ARMC9: variants seen among roughly 807,000 people sequenced by gnomAD.
ARMC9 encodes lisH domain-containing protein ARMC9.
ARMC9 carries 94 observed loss-of-function variants against 107.0 expected under a neutral mutation model. The observed-to-expected ratio is 0.88, with a 90% CI of 0.74 to 1.04. The LOEUF is 1.04. Ranked by LOEUF, ARMC9 falls within the 50% of genes least tolerant of loss-of-function variation. ARMC9 has a pLI of 0.00. For synonymous variants in ARMC9, 380 were observed against 396.9 expected, an observed-to-expected ratio of 0.96 and a Z score of 0.51; for missense variants, 942 against 1,030.1, an observed-to-expected ratio of 0.91 and a Z score of 1.17.
intron 19 of ARMC9, among the ~76,000 whole-genome samples, chr2:231,305,416 A>C (rs2041985337): frequency 6.6e-6 from 1 of 152,258 alleles, no homozygotes; most frequent in Admixed American, 6.5e-5. Flanking sequence ...TTCGTTGCCA[A>C]GTATTTACAT....
At chr2:231,302,432 GGTTT>G (rs1208909660) in intron 19 of ARMC9, among the ~76,000 whole-genome samples, 1,810 of 125,938 alleles carry the variant, frequency 0.014, 12 homozygotes, top group Non-Finnish European at 0.019. Context: ...TAGCATTGTG[GGTTT>G]GTTTTTTTTT....
intron 6 of ARMC9, among the ~76,000 whole-genome samples, chr2:231,225,473 C>G (rs1401440002): frequency 1.3e-5 from 2 of 152,194 alleles, no homozygotes; most frequent in African/African-American, 4.8e-5. Context: ...TGTCTATCAT[C>G]TTATGAATGG....
intron 23 of ARMC9, among the ~76,000 whole-genome samples, chr2:231,367,007 C>A (rs1036308884): frequency 6.6e-6 from 1 of 151,162 alleles, no homozygotes; most frequent in Admixed American, 6.6e-5. Flanking sequence ...CCCGCCACCA[C>A]GCCTGGCTAA....
intron 9 of ARMC9, among the ~76,000 whole-genome samples, chr2:231,244,259 C>T (rs1241197141): frequency 6.6e-6 from 1 of 152,148 alleles, no homozygotes; most frequent in Non-Finnish European, 1.5e-5. Context: ...CCTTCTTTCC[C>T]CCTGAGTTCT....
chr2:231,310,043 C>T (rs1426348148), intron 19 of ARMC9, among the ~76,000 whole-genome samples: 1 of 152,184 alleles, frequency 6.6e-6, no homozygotes, highest in Non-Finnish European at 1.5e-5. Flanking sequence ...GCACCATACT[C>T]GGTTTAGTGG....
intron 19 of ARMC9, among the ~76,000 whole-genome samples, chr2:231,305,237 C>CT (rs1349144273): frequency 2.0e-5 from 3 of 152,232 alleles, no homozygotes; most frequent in African/African-American, 7.2e-5. Context: ...ACAGTGACTG[C>CT]TACTAGAGTT....
At chr2:231,283,225 A>C (rs2040346831) in intron 17 of ARMC9, among the ~76,000 whole-genome samples, 1 of 152,132 alleles carries the variant, frequency 6.6e-6, no homozygotes, top group African/African-American at 2.4e-5. Context: ...TCTGACAGAT[A>C]CCCAATAGGA....
chr2:231,271,566 A>C (rs1364800150), intron 13 of ARMC9, among the ~76,000 whole-genome samples: 1 of 152,240 alleles, frequency 6.6e-6, no homozygotes, highest in Non-Finnish European at 1.5e-5. Context: ...ATGATTTTGC[A>C]AAGTGCCATT....
At position 231,353,332 on chromosome 2, in the gene ARMC9, G is replaced by A. The variant is rs1208770848; in HGVS notation, c.1995-2466G>A. 4.8e-5 allele frequency among the ~76,000 whole-genome samples: 6 copies of A among 123,894 alleles called. 1 individual carries two copies. Among genetic ancestry groups the A allele is most frequent in the African/African-American group, 1.6e-4 (3 of 18,208 alleles). The allele number at this position is 123,894 out of a possible 152,430, so 81.3% of individuals were successfully genotyped here. ...TTCCCGAGTAGTTGGGACTACAGGC[G>A]CCTACCACCACGCCCGGCTATTTTT... is the stretch of plus-strand genomic sequence containing the variant. On this transcript the variant is annotated intron_variant, in intron 21 of 24. Coordinates refer to ENST00000611582, the MANE Select transcript of ARMC9 (RefSeq NM_001352754.2).
intron 7 of ARMC9, among the ~76,000 whole-genome samples, chr2:231,227,266 A>G (rs2034733910): frequency 6.6e-6 from 1 of 152,196 alleles, no homozygotes; most frequent in Non-Finnish European, 1.5e-5. Context: ...AGTTTGTAGC[A>G]TGAAGTGTTA....
At chr2:231,359,314 T>G (rs1201382630) in intron 22 of ARMC9, among the ~76,000 whole-genome samples, 3 of 152,042 alleles carry the variant, frequency 2.0e-5, no homozygotes. Flanking sequence ...CTCAAACTCC[T>G]GGCCTCAAGT....
chr2:231,285,563 T>G (rs1363837928), intron 17 of ARMC9, among the ~76,000 whole-genome samples: 1 of 151,802 alleles, frequency 6.6e-6, no homozygotes, highest in Admixed American at 6.6e-5. Flanking sequence ...GGAGAATCGC[T>G]TGAACCCAGG....
intron 18 of ARMC9, among the ~76,000 whole-genome samples, chr2:231,291,743 A>AG (rs974554956): frequency 2.0e-5 from 3 of 151,170 alleles, no homozygotes; most frequent in African/African-American, 7.3e-5. Context: ...TGAACCCAGG[A>AG]GGCAGAAGTT....
rs149198957 is a variant in ARMC9, at chr2:231,368,370, G to A, written c.2262-1583G>A. On this transcript the variant is annotated intron_variant, in intron 23 of 24. Coordinates refer to ENST00000611582, the MANE Select transcript of ARMC9 (RefSeq NM_001352754.2). The stretch of plus-strand genomic sequence containing the variant: ...GCCCCTAGCAGAATTCTCAGCACGC[G>A]TGAGCTTGATCAATGAATGAAAGAA... Among the ~76,000 whole-genome samples, 93 of 152,226 alleles carry A rather than the reference G, an allele frequency of 6.1e-4. 1 individual carries two copies. The highest frequency in any genetic ancestry group is 2.1e-3 in the African/African-American group (88 of 41,518).
intron 19 of ARMC9, among the ~76,000 whole-genome samples, chr2:231,302,537 A>G (rs999538886): frequency 7.7e-6 from 1 of 129,716 alleles, no homozygotes; most frequent in African/African-American, 2.9e-5. Context: ...TGTTGTTTTG[A>G]TTGAAGGACA....
intron 14 of ARMC9, among the ~76,000 whole-genome samples, chr2:231,274,778 G>T (rs2039621674): frequency 6.6e-6 from 1 of 152,152 alleles, no homozygotes; most frequent in Admixed American, 6.5e-5. Flanking sequence ...GTCTAAGCAT[G>T]TGTGTTTTTA....
intron 2 of ARMC9, among the ~76,000 whole-genome samples, chr2:231,207,905 C>T (rs1038846750): frequency 2.6e-5 from 4 of 152,066 alleles, no homozygotes; most frequent in African/African-American, 9.7e-5. Context: ...TTTTATCTTT[C>T]GTCTTTTTTG....
intron 20 of ARMC9, among the ~76,000 whole-genome samples, chr2:231,333,738 C>G (rs529648766): frequency 6.6e-6 from 1 of 152,178 alleles, no homozygotes; most frequent in African/African-American, 2.4e-5. Flanking sequence ...GTTGAGACCG[C>G]GACGCATGTA....
intron 20 of ARMC9, among the ~76,000 whole-genome samples, chr2:231,333,484 T>C (rs1163378967): frequency 6.6e-6 from 1 of 152,136 alleles, no homozygotes; most frequent in Non-Finnish European, 1.5e-5. Context: ...AGTAGTCTAA[T>C]TGGCTGTGGA....
Sources: allele counts gnomAD v4.1 joint callset (sites outside exome capture counted in the v4.1 genomes callset), GRCh38; gene constraint gnomAD v4.1.1; transcripts MANE v1.5; gene names NCBI Gene and HGNC (gene_info 2026-07-23, HGNC 2026-07-21).